The following CA1 variants were observed in gnomAD, a reference collection of about 807,000 sequenced individuals.
CA1 encodes the protein carbonate dehydratase I.
A neutral mutation model predicts 28.8 loss-of-function variants in CA1; 27 were observed. That is an observed-to-expected ratio of 0.94 (90% CI 0.69 to 1.29). The LOEUF (loss-of-function observed/expected upper bound fraction) is 1.29, where lower values mean the gene tolerates loss of function less well. CA1 is among the 50% of genes most tolerant of loss of function. The probability of loss-of-function intolerance (pLI) is 0.00; values close to 1 mark genes in which losing one functional copy is unlikely to be tolerated. For missense variants in CA1, 335 were observed against 310.5 expected (o/e 1.08, Z -0.59); for synonymous variants, 121 against 108.8 (o/e 1.11, Z -0.70).
chr8:85,361,409 G>A lies in CA1; in HGVS notation c.-25+16637C>T, dbSNP rs116760264. Among the ~76,000 whole-genome samples, 623 of 152,270 alleles carry A rather than the reference G, an allele frequency of 4.1e-3. 4 individuals carry two copies. The highest frequency in any genetic ancestry group is 0.014 in the African/African-American group (595 of 41,552). On this transcript the variant is annotated intron_variant, in intron 1 of 7. Transcript: ENST00000523022. The stretch of plus-strand genomic sequence containing the variant: ...ATATCAGATGTGGCCAGGCACCATG[G>A]CTCACACCTGTAATCTCAGCACTTT...
At chr8:85,338,002 T>C in intron 3 of CA1, 2 of 633,786 alleles carry the variant, frequency 3.2e-6, no homozygotes, top group East Asian at 3.1e-5. Flanking sequence ...AGCATACAGA[T>C]ACTGGAATGA....
intron 1 of CA1, among the ~76,000 whole-genome samples, chr8:85,377,063 TTTAA>T (rs1161366701): frequency 1.3e-5 from 2 of 152,214 alleles, no homozygotes; most frequent in African/African-American, 4.8e-5. Context: ...ACTTTAGAAA[TTTAA>T]TTATTTAATC....
chr8:85,338,632 TTTTCTTTCTTTCTTTC>T (rs56255763), intron 2 of CA1, among the ~76,000 whole-genome samples, 183 bp from the exon 3 acceptor site: 9,015 of 131,476 alleles, frequency 0.069, 367 homozygotes, highest in South Asian at 0.12. Context: ...CTTTCCTTCT[TTTTCTTTCTTTCTTTC>T]TTTCTTTCTT....
At chr8:85,360,593 C>T (rs1417882680) in intron 1 of CA1, among the ~76,000 whole-genome samples, 3 of 152,086 alleles carry the variant, frequency 2.0e-5, no homozygotes, top group East Asian at 1.9e-4. Flanking sequence ...CTTGGGGGAC[C>T]GAGGCAGAAG....
intron 4 of CA1, among the ~76,000 whole-genome samples, chr8:85,334,442 C>T (rs955002940): frequency 6.6e-6 from 1 of 152,130 alleles, no homozygotes; most frequent in African/African-American, 2.4e-5. Flanking sequence ...AAATGGCAGA[C>T]TTTTGTCTTG....
intron 1 of CA1, among the ~76,000 whole-genome samples, chr8:85,352,126 T>C (rs1415827583): frequency 6.6e-6 from 1 of 152,224 alleles, no homozygotes; most frequent in Non-Finnish European, 1.5e-5. Context: ...GTCACCAACC[T>C]GTCTCCTGAA....
At chr8:85,377,437 A>T (rs1399038511) in intron 1 of CA1, among the ~76,000 whole-genome samples, 1 of 152,260 alleles carries the variant, frequency 6.6e-6, no homozygotes, top group African/African-American at 2.4e-5. Context: ...TAATTAACCA[A>T]GTCTATCAAT....
At chr8:85,364,347 ATCTT>A (rs1809923782) in intron 1 of CA1, among the ~76,000 whole-genome samples, 1 of 152,180 alleles carries the variant, frequency 6.6e-6, no homozygotes, top group South Asian at 2.1e-4. Context: ...TTTGTTTTAC[ATCTT>A]TCTTATGACA....
intron 1 of CA1, chr8:85,351,886 C>T (rs1407693439): frequency 6.6e-6 from 1 of 152,138 alleles, no homozygotes; most frequent in East Asian, 1.9e-4. Flanking sequence ...ATTTTTAGTA[C>T]TGTTATTAAA....
chr8:85,376,079 C>A (rs1289777691), intron 1 of CA1, among the ~76,000 whole-genome samples: 1 of 152,138 alleles, frequency 6.6e-6, no homozygotes, highest in African/African-American at 2.4e-5. Flanking sequence ...GCCTTTAATC[C>A]CAGTACTTTG....
chr8:85,376,786 A>C (rs1230838646), intron 1 of CA1, among the ~76,000 whole-genome samples: 3 of 152,158 alleles, frequency 2.0e-5, no homozygotes, highest in African/African-American at 7.2e-5. Context: ...CCTCAAGGAG[A>C]TGCCCAGCAG....
intron 1 of CA1, among the ~76,000 whole-genome samples, chr8:85,371,506 C>G (rs1258883899): frequency 6.6e-6 from 1 of 152,058 alleles, no homozygotes; most frequent in Non-Finnish European, 1.5e-5. Flanking sequence ...CTGAATATTG[C>G]AGGCTTTAAT....
chr8:85,328,986 C>T (rs950185026), intron 7 of CA1, among the ~76,000 whole-genome samples: 1 of 151,930 alleles, frequency 6.6e-6, no homozygotes, highest in African/African-American at 2.4e-5. Flanking sequence ...AGCTGGGGTA[C>T]GTTGGGCGAG....
chr8:85,348,812 C>A (rs185304717), intron 1 of CA1, among the ~76,000 whole-genome samples: 8 of 152,164 alleles, frequency 5.3e-5, no homozygotes, highest in African/African-American at 1.7e-4. Flanking sequence ...TGAGGATTAA[C>A]GATTAATACA....
At chr8:85,369,981 A>C (rs1317522500) in intron 1 of CA1, among the ~76,000 whole-genome samples, 1 of 152,194 alleles carries the variant, frequency 6.6e-6, no homozygotes, top group Non-Finnish European at 1.5e-5. Context: ...GTGTCTAGCA[A>C]ACTATTTCCT....
intron 1 of CA1, among the ~76,000 whole-genome samples, chr8:85,361,064 G>T (rs1325052628): frequency 1.3e-5 from 2 of 152,090 alleles, no homozygotes; most frequent in Non-Finnish European, 2.9e-5. Context: ...CCAAAACTGA[G>T]AACTGGACCT....
At chr8:85,374,450 C>T (rs1413858951) in intron 1 of CA1, among the ~76,000 whole-genome samples, 1 of 152,132 alleles carries the variant, frequency 6.6e-6, no homozygotes, top group African/African-American at 2.4e-5. Flanking sequence ...ATTTGAAGTA[C>T]TGCTATAGGT....
At chr8:85,362,146 T>TA (rs915527555) in intron 1 of CA1, among the ~76,000 whole-genome samples, 1 of 152,200 alleles carries the variant, frequency 6.6e-6, no homozygotes, top group African/African-American at 2.4e-5. Flanking sequence ...ATGTGCCTCC[T>TA]ACATTCCTTG....
chr8:85,335,441 A>G (rs137998986), intron 4 of CA1, among the ~76,000 whole-genome samples: 1 of 152,316 alleles, frequency 6.6e-6, no homozygotes, highest in African/African-American at 2.4e-5. Flanking sequence ...ATATAGGAAT[A>G]CTGGAGCGTA....
Sources: gnomAD v4.1 joint callset for allele counts (sites outside exome capture counted in the v4.1 genomes callset) on GRCh38, gnomAD v4.1.1 for gene constraint, MANE v1.5 for transcripts, NCBI Gene and HGNC (gene_info 2026-07-23, HGNC 2026-07-21) for gene names.